The following SEC24C variants were observed in gnomAD, a reference collection of about 807,000 sequenced individuals.
SEC24C encodes SEC24 homolog C, COPII component.
In SEC24C, 22 loss-of-function variants were observed where a neutral mutation model predicts 117.0. The observed-to-expected ratio is 0.19, with a 90% CI of 0.13 to 0.27. The LOEUF (loss-of-function observed/expected upper bound fraction) is 0.27, where lower values mean the gene tolerates loss of function less well. SEC24C is among the 10% of genes least tolerant of loss of function. The pLI is 1.00. For synonymous variants in SEC24C, 506 were observed against 529.4 expected, an observed-to-expected ratio of 0.96 and a Z score of 0.61; for missense variants, 1,155 against 1,375.1, an observed-to-expected ratio of 0.84 and a Z score of 2.53.
intron 22 of SEC24C, 40 bp downstream of exon 22, chr10:73,770,838 G>A (rs371692204): frequency 4.5e-4 from 720 of 1,611,940 alleles, no homozygotes; most frequent in Non-Finnish European, 5.7e-4. Flanking sequence ...ACCTTGTCAA[G>A]TCCTCACCTA....
chr10:73,759,465 C>T (rs948676964), intron 3 of SEC24C, among the ~76,000 whole-genome samples, 157 bp from the exon 4 acceptor site: 3 of 152,178 alleles, frequency 2.0e-5, no homozygotes, highest in African/African-American at 7.2e-5. Context: ...ATATAATTTA[C>T]CCACAAATAT....
chr10:73,758,568 C>G (rs1232140036), intron 3 of SEC24C, among the ~76,000 whole-genome samples: 1 of 152,202 alleles, frequency 6.6e-6, no homozygotes, highest in African/African-American at 2.4e-5. Context: ...CCCCCATTCC[C>G]CTATTCTTCC....
rs59462789 is a variant in SEC24C, at chr10:73,753,356, T to C, written c.308+2113T>C. 2.2e-4 allele frequency among the ~76,000 whole-genome samples: 34 copies of C among 152,226 alleles called. No individual in the cohort carries two copies. In the East Asian group the frequency reaches 6.6e-3, roughly 29 times the overall value. On this transcript the variant is annotated intron_variant, in intron 3 of 22. Coordinates refer to ENST00000345254, the MANE Select transcript of SEC24C (RefSeq NM_198597.3). ...TGTGAGCCACCACGCCCAGCTGACT[T>C]TCTTGTGGTTTTTTAAAAATAGTTT...
chr10:73,759,893 G>A lies in SEC24C; in HGVS notation c.481+99G>A, dbSNP rs1029173291. The A allele has an allele frequency of 1.1e-5, 17 of 1,482,652 alleles. No homozygotes were observed. The South Asian group carries it at 2.2e-4, about 19-fold the overall frequency. The allele number at this position is 1,482,652 out of a possible 1,614,324, so 91.8% of individuals were successfully genotyped here. On this transcript the variant is annotated intron_variant, in intron 4 of 22. Transcript: ENST00000345254. Reference sequence around the variant, plus strand: ...CTCTTTTATTTCCCTTGTATTTCCTGTGCCTCTGAGCCTCAGAAGATGGGA... The same window carrying A: ...CTCTTTTATTTCCCTTGTATTTCCTATGCCTCTGAGCCTCAGAAGATGGGA...
chr10:73,746,221 G>A (rs1565032295), intron 1 of SEC24C, among the ~76,000 whole-genome samples: 1 of 148,694 alleles, frequency 6.7e-6, no homozygotes. Flanking sequence ...TTGGTGGAAA[G>A]ACTTGGGTTG....
intron 3 of SEC24C, among the ~76,000 whole-genome samples, chr10:73,756,020 T>G (rs1383085233): frequency 6.6e-6 from 1 of 151,910 alleles, no homozygotes; most frequent in Non-Finnish European, 1.5e-5. Context: ...CCCGGCTAAT[T>G]TTTGTATTTT....
intron 6 of SEC24C, 137 bp downstream of exon 6, chr10:73,760,986 T>C: frequency 9.4e-7 from 1 of 1,064,498 alleles, no homozygotes; most frequent in Non-Finnish European, 1.3e-6. Flanking sequence ...TTACATATAA[T>C]TTGATTCTGA....
At position 73,760,164 on chromosome 10, in the gene SEC24C, G is replaced by T. The variant is rs1454479442; in HGVS notation, c.628G>T (p.Ala210Ser). The stretch of plus-strand genomic sequence containing the variant: ...TCCCCAGCGATCTGCCCCATCACAG[G>T]CCTCCAGCTTCACACCCCCAGCTTC... The part of the protein sequence containing the change: ...QTPQRSAPSQ[A>S]SSFTPPASGG... Residue 210 changes from alanine to serine, a missense_variant, in exon 5 of 23, where the codon GCC becomes TCC. By Grantham distance (99) the Ala-to-Ser change is moderately conservative. Transcript: ENST00000345254. The T allele has an allele frequency of 7.4e-6, 12 of 1,614,006 alleles. No individual in the cohort carries two copies. The highest frequency in any genetic ancestry group is 1.0e-5 in the Non-Finnish European group (12 of 1,180,034).
At chr10:73,762,207 G>A in intron 6 of SEC24C, 2 of 1,252,256 alleles carry the variant, frequency 1.6e-6, no homozygotes, top group Middle Eastern at 2.2e-4. Flanking sequence ...TCATTCCTGT[G>A]TTAGTGCCAT....
chr10:73,769,434 C>G lies in SEC24C; in HGVS notation c.2512C>G (p.Leu838Val), dbSNP rs750148657. ...GAACTGCTGCACCCAGCTGGCTGAT[C>G]TATATCGAAACTGTGAGACTGACAC... ...ALNCCTQLAD[L>V]YRNCETDTLI... The change falls in exon 18 of 23, where the codon CTA becomes GTA. Residue 838 changes from leucine to valine, a missense_variant. Coordinates refer to ENST00000345254, the MANE Select transcript of SEC24C (RefSeq NM_198597.3). The surrounding 1 kb of genome is among the most constrained non-coding windows in gnomAD (Gnocchi z 4.5). The G allele has an allele frequency of 3.7e-6, 6 of 1,614,114 alleles. No individual in the cohort carries two copies. In the East Asian group the frequency reaches 8.9e-5, roughly 24 times the overall value.
Position 73,769,850 on chromosome 10 carries a change from G to C in SEC24C, c.2697G>C (p.Glu899Asp). The C allele has an allele frequency of 2.5e-6, 4 of 1,614,198 alleles. No individual in the cohort carries two copies. The highest frequency in any genetic ancestry group is 3.4e-6 in the Non-Finnish European group (4 of 1,180,036). The change falls in exon 20 of 23, where the codon GAG becomes GAC. Residue 899 changes from glutamate to aspartate, a missense_variant. By Grantham distance (45) the Glu-to-Asp change is conservative (BLOSUM62 2). Transcript: ENST00000345254. This position sits in a 1 kb window ranked among gnomAD's most constrained non-coding sequence, Gnocchi z 4.5. ...PSSAGQLILP[E>D]CMKLLPVYLN... ...AATCCCCTCAGTTGATCCTTCCTGA[G>C]TGCATGAAGCTACTCCCAGTTTACC...
chr10:73,767,792 T>G, intron 14 of SEC24C, 45 bp from the exon 15 acceptor site: 26 of 1,482,694 alleles, frequency 1.8e-5, no homozygotes, highest in Non-Finnish European at 2.0e-5. Context: ...AGGGCGGAGC[T>G]GAGATATTTG....
At chr10:73,761,524 A>G (rs1471646294) in intron 6 of SEC24C, among the ~76,000 whole-genome samples, 1 of 152,176 alleles carries the variant, frequency 6.6e-6, no homozygotes, top group Non-Finnish European at 1.5e-5. Flanking sequence ...GGGCCACTTT[A>G]TAGTTCCACC....
intron 8 of SEC24C, among the ~76,000 whole-genome samples, chr10:73,764,399 C>A (rs1400382194): frequency 6.6e-6 from 1 of 152,054 alleles, no homozygotes; most frequent in Non-Finnish European, 1.5e-5. Flanking sequence ...TGGCGGGCGC[C>A]TGTAGTCCCA....
rs199572868 is a variant in SEC24C at position 73,746,925 on chromosome 10, A to G, written c.93A>G (p.Gln31=). The change falls in exon 2 of 23, where the codon CAA becomes CAG. Residue 31 remains glutamine (Q), a synonymous_variant. Coordinates refer to ENST00000345254, the MANE Select transcript of SEC24C (RefSeq NM_198597.3). ...PGYHQSSYGG[Q]SGSTAPAIPY... ...ATCATCAGTCCAGCTATGGTGGGCA[A>G]TCAGGGTCCACAGCCCCCGCCATTC... is the stretch of plus-strand genomic sequence containing the variant. 3.2e-5 allele frequency: 52 copies of G among 1,614,120 alleles called. No homozygotes were observed. Among genetic ancestry groups the G allele is most frequent in the East Asian group, 2.5e-4 (11 of 44,882 alleles).
Position 73,769,475 on chromosome 10 carries a change from G to A in SEC24C, c.2553G>A (p.Met851Ile). 1.2e-6 allele frequency: 2 copies of A among 1,614,154 alleles called. No individual in the cohort carries two copies. Among genetic ancestry groups the A allele is most frequent in the Admixed American group, 1.7e-5 (1 of 60,018 alleles). The change falls in exon 18 of 23, where the codon ATG becomes ATA. Residue 851 changes from methionine (M) to isoleucine (I), a missense_variant. By Grantham distance (10) the Met-to-Ile change is conservative. Transcript: ENST00000345254. The surrounding 1 kb of genome is among the most constrained non-coding windows in gnomAD (Gnocchi z 4.5). Reference sequence around the variant, plus strand: ...AGACTGACACGCTCATCAACTACATGGCCAAGTTTGGTGAGGGTAGAAGCA... The same window carrying A: ...AGACTGACACGCTCATCAACTACATAGCCAAGTTTGGTGAGGGTAGAAGCA... ...NCETDTLINY[M>I]AKFAYRGVLN... is the part of the protein sequence containing the mutation.
Position 73,765,782 on chromosome 10 carries a change from C to A in SEC24C, c.1367-18C>A. On this transcript the variant is annotated intron_variant, in intron 9 of 22. Coordinates refer to ENST00000345254, the MANE Select transcript of SEC24C (RefSeq NM_198597.3). ...TGAAACTGGATCTTCGAGTAACACA[C>A]TGCCATGCTTCCCACAGTTCCCCCC... 1 of 1,604,534 alleles carries A rather than the reference C, an allele frequency of 6.2e-7. No homozygotes were observed. Among genetic ancestry groups the A allele is most frequent in the East Asian group, 2.2e-5 (1 of 44,826 alleles).
rs2082959781 is a variant in SEC24C at position 73,770,474 on chromosome 10, G to A, written c.3054+3G>A. 6.2e-7 allele frequency: 1 copy of A among 1,613,978 alleles called. No individual in the cohort carries two copies. Among genetic ancestry groups the A allele is most frequent in the Non-Finnish European group, 8.5e-7 (1 of 1,179,980 alleles). ...TCAGTCAGATCACCAGTGGTTTGGT[G>A]AGGGCAGGGAGTCAAGGAGAATATG... On this transcript the variant is annotated splice_donor_region_variant and intron_variant, in intron 21 of 22. Transcript: ENST00000345254.
At chr10:73,749,303 G>A (rs1232327865) in intron 2 of SEC24C, among the ~76,000 whole-genome samples, 1 of 152,184 alleles carries the variant, frequency 6.6e-6, no homozygotes, top group Non-Finnish European at 1.5e-5. Context: ...CCTCTTGTTG[G>A]ACTGATGATT....
Sources: allele counts gnomAD v4.1 joint callset (sites outside exome capture counted in the v4.1 genomes callset), GRCh38; gene constraint gnomAD v4.1.1; non-coding constraint Gnocchi (gnomAD v3.1); transcripts MANE v1.5; gene names NCBI Gene and HGNC (gene_info 2026-07-23, HGNC 2026-07-21).